AGAP2: variants seen among roughly 807,000 people sequenced by gnomAD.
The protein encoded by AGAP2 is ArfGAP with GTPase domain, ankyrin repeat and PH domain 2, also known as arf-GAP with GTPase, ANK repeat and PH domain-containing protein 2.
Under a neutral mutation model 110.9 loss-of-function variants are expected in AGAP2, and 32 were observed. The observed-to-expected ratio is 0.29, with a 90% CI of 0.22 to 0.39. The LOEUF (loss-of-function observed/expected upper bound fraction) is 0.39. Among genes scored for constraint, AGAP2 ranks in the 10% least tolerant of loss-of-function variants. The pLI, the probability that AGAP2 is intolerant of heterozygous loss-of-function variation, is 1.00. For missense variants in AGAP2, 1,285 were observed against 1,638.5 expected, an observed-to-expected ratio of 0.78 and a Z score of 3.72; for synonymous variants, 702 against 713.0, an observed-to-expected ratio of 0.98 and a Z score of 0.25.
Position 57,728,380 on chromosome 12 carries a change from G to A in AGAP2, c.2558-3C>T, listed in dbSNP as rs765219170. On this transcript the variant is annotated splice_polypyrimidine_tract_variant and splice_region_variant and intron_variant, in intron 13 of 18. Transcript: ENST00000547588. Reference sequence around the variant, plus strand: ...TAGTTTCCACATTTTGCGCTTGGCTGGTTTCCCGAAGCGAAGGAGATAGAG... The same window carrying A: ...TAGTTTCCACATTTTGCGCTTGGCTAGTTTCCCGAAGCGAAGGAGATAGAG... The A allele has an allele frequency of 1.2e-6, 2 of 1,613,906 alleles. No individual in the cohort carries two copies. Among genetic ancestry groups the A allele is most frequent in the Non-Finnish European group, 1.7e-6 (2 of 1,179,838 alleles).
chr12:57,732,301 C>G, intron 7 of AGAP2, 102 bp downstream of exon 7: 3 of 1,089,716 alleles, frequency 2.8e-6, no homozygotes, highest in Admixed American at 4.9e-5. Context: ...CCATCTGTTT[C>G]CCCACTCCCT....
In AGAP2 at chr12:57,726,993, A is replaced by G; in HGVS notation, c.3317T>C (p.Ile1106Thr). 1.9e-6 allele frequency: 3 copies of G among 1,596,166 alleles called. No homozygotes were observed. The highest frequency in any genetic ancestry group is 2.6e-6 in the Non-Finnish European group (3 of 1,170,960). ...HLAAELAHVV[I>T]TQLLLWYGAD... ...ACGTACCCACAGCAGCAGTTGCGTGATGACGACGTGGGCGAGCTCGGCCGC... is the reference window on the plus strand; with the variant it reads ...ACGTACCCACAGCAGCAGTTGCGTGGTGACGACGTGGGCGAGCTCGGCCGC... The change falls in exon 18 of 19, where the codon ATC becomes ACC. Residue 1106 changes from isoleucine (I) to threonine (T), a missense_variant. Physicochemically the swap from Ile to Thr is moderately conservative, Grantham distance 89. Around this residue, in one of 7 missense-constraint regions of AGAP2, gnomAD observed 201 missense variants for 276.1 expected, o/e 0.73. Coordinates refer to ENST00000547588, the MANE Select transcript of AGAP2 (RefSeq NM_001122772.3). This position sits in a 1 kb window ranked among gnomAD's most constrained non-coding sequence, Gnocchi z 5.7.
chr12:57,727,730 C>T lies in AGAP2; in HGVS notation c.2808G>A (p.Ala936=), dbSNP rs867959820. The T allele has an allele frequency of 6.3e-7, 1 of 1,597,416 alleles. No homozygotes were observed. Among genetic ancestry groups the T allele is most frequent in the South Asian group, 1.1e-5 (1 of 88,362 alleles). Reference sequence around the variant, plus strand: ...TTGAATTCCCCTTGGCGTTCCGGATCGCCTGGATGGCCACGGCCTCGCTTT... The same window carrying T: ...TTGAATTCCCCTTGGCGTTCCGGATTGCCTGGATGGCCACGGCCTCGCTTT... ...DSQSEAVAIQ[A]IRNAKGNSIC... The change falls in exon 16 of 19, where the codon GCG becomes GCA. Residue 936 remains alanine, a synonymous_variant. Coordinates refer to ENST00000547588, the MANE Select transcript of AGAP2 (RefSeq NM_001122772.3).
In AGAP2 at chr12:57,737,952, T is replaced by C; in HGVS notation, c.295A>G (p.Ser99Gly). ...GCGGGGGAGACTGGGCGGGCCGGAC[T>C]GGCCGGAGCCGGGGACAGGGCTGGG... is the stretch of plus-strand genomic sequence containing the variant. ...EPPALSPAPA[S>G]PARPVSPAPG... The change falls in exon 1 of 19, where the codon AGT becomes GGT. Residue 99 changes from serine (S) to glycine (G), a missense_variant. Ser to Gly is a moderately conservative substitution (Grantham distance 56, BLOSUM62 0). Around this residue, in one of 7 missense-constraint regions of AGAP2, gnomAD observed 844 missense variants for 941.2 expected, o/e 0.90. Transcript: ENST00000547588. This position sits in a 1 kb window ranked among gnomAD's most constrained non-coding sequence, Gnocchi z 5.9. The C allele has an allele frequency of 1.4e-6, 2 of 1,396,312 alleles. No individual in the cohort carries two copies. Among genetic ancestry groups the C allele is most frequent in the East Asian group, 5.9e-5 (2 of 33,678 alleles). 86.5% of individuals were successfully genotyped at this position (1,396,312 alleles called of 1,614,324 possible).
At chr12:57,730,671 G>A in intron 11 of AGAP2, 57 bp from the exon 12 acceptor site, 1 of 1,605,938 alleles carries the variant, frequency 6.2e-7, no homozygotes, top group East Asian at 2.2e-5. Context: ...CATTCCTTAT[G>A]TGGTCCCTCT....
At chr12:57,740,659 G>C (rs1475978974), upstream of AGAP2, among the ~76,000 whole-genome samples, 2 of 152,004 alleles carry the variant, frequency 1.3e-5, no homozygotes, top group East Asian at 1.9e-4. Context: ...GTGGGGCTTA[G>C]AGTTTCTCCC....
At position 57,731,408 on chromosome 12, in the gene AGAP2, G is replaced by C; in HGVS notation, c.2103C>G (p.Thr701=). 1 of 1,614,080 alleles carries C rather than the reference G, an allele frequency of 6.2e-7. No individual in the cohort carries two copies. The change falls in exon 10 of 19, where the codon ACC becomes ACG. Residue 701 remains threonine (T), a synonymous_variant. Transcript: ENST00000547588. Reference sequence around the variant, plus strand: ...AGAGTAGAAAGCCATTACTGGACAGGGTTACATATTTCTTCTTCCATTCTT... The same window carrying C: ...AGAGTAGAAAGCCATTACTGGACAGCGTTACATATTTCTTCTTCCATTCTT... ...LNKEWKKKYV[T]LSSNGFLLYH...
At chr12:57,725,012 C>T (rs1954737237), downstream of AGAP2, 1 of 152,490 alleles carries the variant, frequency 6.6e-6, no homozygotes, top group African/African-American at 2.4e-5. Flanking sequence ...AACCTGCCCA[C>T]GTCCTCCACT....
At chr12:57,735,326 G>T (rs1439794769) in intron 2 of AGAP2, 43 bp downstream of exon 2, 1 of 1,573,628 alleles carries the variant, frequency 6.4e-7, no homozygotes, top group Admixed American at 1.7e-5. Flanking sequence ...GCAGTGGGTG[G>T]GAGGTCAGCC....
At chr12:57,728,835 G>A (rs967266708) in intron 13 of AGAP2, among the ~76,000 whole-genome samples, 7 of 152,138 alleles carry the variant, frequency 4.6e-5, no homozygotes, top group Admixed American at 3.9e-4. Context: ...CTATGGTCAA[G>A]GGCTGTTGGG....
In AGAP2 at chr12:57,727,947, C is replaced by T; in HGVS notation, c.2756G>A (p.Ser919Asn). The change falls in exon 15 of 19, where the codon AGC (serine) becomes AAC (asparagine). Residue 919 changes from serine to asparagine, a missense_variant. Transcript: ENST00000547588. ...ACCTCAAACTCTTACCTTGACCTTGCTGCTCTCACAGCATTGCAGACTGGC... is the reference window on the plus strand; with the variant it reads ...ACCTCAAACTCTTACCTTGACCTTGTTGCTCTCACAGCATTGCAGACTGGC... ...ILASLQCCESSKVKLRTDSQS... is the reference protein window; with the variant it reads ...ILASLQCCESNKVKLRTDSQS... 6.2e-7 allele frequency: 1 copy of T among 1,613,982 alleles called. No homozygotes were observed. The highest frequency in any genetic ancestry group is 2.2e-5 in the East Asian group (1 of 44,896).
chr12:57,741,996 G>T (rs1434628370), upstream of AGAP2: 1 of 1,614,168 alleles, frequency 6.2e-7, no homozygotes, highest in Non-Finnish European at 8.5e-7. Flanking sequence ...AGGCGGTTTA[G>T]AGCCTGCTTG....
At position 57,737,021 on chromosome 12, in the gene AGAP2, C is replaced by A; in HGVS notation, c.1168+58G>T. The A allele has an allele frequency of 3.4e-6, 5 of 1,453,424 alleles. No homozygotes were observed. The highest frequency in any genetic ancestry group is 4.5e-6 in the Non-Finnish European group (5 of 1,101,256). The allele number at this position is 1,453,424 out of a possible 1,614,324, so 90.0% of individuals were successfully genotyped here. ...TTTCCTGGACCTCGCTCCTCCACCCCAAGCTGAGCATTCCAGGTACCCTTC... is the reference window on the plus strand; with the variant it reads ...TTTCCTGGACCTCGCTCCTCCACCCAAAGCTGAGCATTCCAGGTACCCTTC... On this transcript the variant is annotated intron_variant, in intron 1 of 18. Coordinates refer to ENST00000547588, the MANE Select transcript of AGAP2 (RefSeq NM_001122772.3). This position sits in a 1 kb window ranked among gnomAD's most constrained non-coding sequence, Gnocchi z 5.9.
chr12:57,737,148 C>G lies in AGAP2; in HGVS notation c.1099G>C (p.Gly367Arg). 1 of 1,569,626 alleles carries G rather than the reference C, an allele frequency of 6.4e-7. No individual in the cohort carries two copies. Among genetic ancestry groups the G allele is most frequent in the Non-Finnish European group, 8.6e-7 (1 of 1,157,822 alleles). ...GGPPGSGPLPGPPSLSSGSGS... is the reference protein window; with the variant it reads ...GGPPGSGPLPRPPSLSSGSGS... Reference sequence around the variant, plus strand: ...CTGCCAGAAGACAGGCTGGGGGGTCCGGGAAGGGGCCCGGAGCCAGGAGGC... The same window carrying G: ...CTGCCAGAAGACAGGCTGGGGGGTCGGGGAAGGGGCCCGGAGCCAGGAGGC... The change falls in exon 1 of 19, where the codon GGA becomes CGA. Residue 367 changes from glycine to arginine, a missense_variant. Physicochemically the swap from Gly to Arg is moderately radical, Grantham distance 125. Around this residue, in one of 7 missense-constraint regions of AGAP2, gnomAD observed 844 missense variants for 941.2 expected, o/e 0.90. Transcript: ENST00000547588. The surrounding 1 kb of genome is among the most constrained non-coding windows in gnomAD (Gnocchi z 5.9).
Position 57,726,116 on chromosome 12 carries a change from C to T in AGAP2, c.*436G>A, listed in dbSNP as rs1481997401. On this transcript the variant is annotated 3_prime_UTR_variant, in exon 19 of 19. Transcript: ENST00000547588. The surrounding 1 kb of genome is among the most constrained non-coding windows in gnomAD (Gnocchi z 5.7). ...GGGCTAGCCCTCCCATGTACTAAAC[C>T]CTCCCTCTGGCGTGGCGTCGCCCCA... 6.5e-6 allele frequency: 1 copy of T among 153,068 alleles called. No homozygotes were observed. The highest frequency in any genetic ancestry group is 1.5e-5 in the Non-Finnish European group (1 of 68,628). 9.5% of individuals were successfully genotyped at this position (153,068 alleles called of 1,614,324 possible). A position where few individuals can be genotyped will look rare whatever the true frequency, so the allele number is the denominator to read the frequency against.
Position 57,737,530 on chromosome 12 carries a change from G to C in AGAP2, c.717C>G (p.Thr239=), listed in dbSNP as rs765198873. ...GTGASVSAAA[T]AAAAGGGGST... is the part of the protein sequence containing the mutation. ...AGCCCCCTCCCCCGGCGGCGGCGGC[G>C]GTGGCGGCGGCAGAGACCGAAGCTC... The change falls in exon 1 of 19, where the codon ACC becomes ACG. Residue 239 remains threonine, a synonymous_variant. Coordinates refer to ENST00000547588, the MANE Select transcript of AGAP2 (RefSeq NM_001122772.3). This position sits in a 1 kb window ranked among gnomAD's most constrained non-coding sequence, Gnocchi z 5.9. The C allele has an allele frequency of 5.1e-6, 8 of 1,562,946 alleles. No homozygotes were observed. Among genetic ancestry groups the C allele is most frequent in the Non-Finnish European group, 3.5e-6 (4 of 1,154,200 alleles).
chr12:57,735,478 C>G, intron 1 of AGAP2, 51 bp from the exon 2 acceptor site: 4 of 1,553,466 alleles, frequency 2.6e-6, no homozygotes, highest in Non-Finnish European at 2.7e-6. Context: ...TCAGAAGGAC[C>G]CCCAACACTG....
chr12:57,727,612 A>G (rs773353777), intron 16 of AGAP2, 30 bp from the exon 17 acceptor site: 2 of 1,592,236 alleles, frequency 1.3e-6, no homozygotes, highest in Non-Finnish European at 1.7e-6. Context: ...GTCGGCTCCC[A>G]GCCGGGCAGC....
At chr12:57,738,842 G>A (rs1180036273), upstream of AGAP2, among the ~76,000 whole-genome samples, 1 of 151,778 alleles carries the variant, frequency 6.6e-6, no homozygotes, top group Non-Finnish European at 1.5e-5. This position sits in a 1 kb window ranked among gnomAD's most constrained non-coding sequence, Gnocchi z 6.7. Context: ...GGAGGTGGGT[G>A]GGAACCCACG....
Sources: gnomAD v4.1 joint callset for allele counts (sites outside exome capture counted in the v4.1 genomes callset) on GRCh38, gnomAD v4.1.1 for gene constraint, gnomAD v4.1.1 regional missense constraint, Gnocchi (gnomAD v3.1) non-coding constraint, MANE v1.5 for transcripts, NCBI Gene and HGNC (gene_info 2026-07-23, HGNC 2026-07-21) for gene names.